MMP16: variants seen among roughly 807,000 people sequenced by gnomAD.
MMP16 encodes the protein matrix metallopeptidase 16, also known as matrix metalloproteinase-16.
Under a neutral mutation model 67.8 loss-of-function variants are expected in MMP16, and 12 were observed. That is an observed-to-expected ratio of 0.18 (90% CI 0.11 to 0.29). The LOEUF is 0.29. MMP16 is among the 10% of genes least tolerant of loss of function. MMP16 has a pLI of 1.00. For missense variants in MMP16, 475 were observed against 765.7 expected, an observed-to-expected ratio of 0.62 and a Z score of 4.48; for synonymous variants, 249 against 255.9, an observed-to-expected ratio of 0.97 and a Z score of 0.26.
At chr8:88,093,509 T>C (rs745347533) in intron 6 of MMP16, among the ~76,000 whole-genome samples, 13 of 151,718 alleles carry the variant, frequency 8.6e-5, no homozygotes, top group Non-Finnish European at 1.6e-4. Flanking sequence ...TGACCCTGAG[T>C]ACTGAATGAA....
intron 6 of MMP16, among the ~76,000 whole-genome samples, chr8:88,096,489 C>T (rs952477716): frequency 6.6e-6 from 1 of 150,996 alleles, no homozygotes; most frequent in Non-Finnish European, 1.5e-5. Flanking sequence ...TTTCCTGCTT[C>T]TAAAATTCTT....
At chr8:88,209,404 T>G (rs1809479000) in intron 1 of MMP16, among the ~76,000 whole-genome samples, 1 of 152,172 alleles carries the variant, frequency 6.6e-6, no homozygotes, top group African/African-American at 2.4e-5. Flanking sequence ...TTTGCTTACT[T>G]ATTGTTAGAA....
chr8:88,139,261 A>G lies in MMP16; in HGVS notation c.710-20400T>C, dbSNP rs952362552. On this transcript the variant is annotated intron_variant, in intron 4 of 9. Coordinates refer to ENST00000286614, the MANE Select transcript of MMP16 (RefSeq NM_005941.5). ...ATTTACCTCAGCATTTTTCTTCTTC[A>G]GTGAATTTAGGGTCCTTAAAATTTC... 1.6e-4 allele frequency among the ~76,000 whole-genome samples: 24 copies of G among 152,110 alleles called. 1 individual carries two copies. Among genetic ancestry groups the G allele is most frequent in the African/African-American group, 5.8e-4 (24 of 41,512 alleles).
At chr8:88,221,551 C>A (rs948315856) in intron 1 of MMP16, among the ~76,000 whole-genome samples, 1 of 151,838 alleles carries the variant, frequency 6.6e-6, no homozygotes, top group African/African-American at 2.4e-5. Context: ...CAAATAATAA[C>A]CCCAGAGAGA....
chr8:88,242,526 T>C (rs1810049822), intron 1 of MMP16, among the ~76,000 whole-genome samples: 1 of 152,166 alleles, frequency 6.6e-6, no homozygotes, highest in Non-Finnish European at 1.5e-5. Context: ...CTCAGAAAAC[T>C]GGTCCAAAGA....
At chr8:88,294,460 GTC>G (rs908755147) in intron 1 of MMP16, among the ~76,000 whole-genome samples, 1 of 147,954 alleles carries the variant, frequency 6.8e-6, no homozygotes, top group Non-Finnish European at 1.5e-5. Context: ...ACATATGCAT[GTC>G]TCTGTACACA....
At chr8:88,307,572 A>G (rs924642078) in intron 1 of MMP16, among the ~76,000 whole-genome samples, 1 of 152,090 alleles carries the variant, frequency 6.6e-6, no homozygotes, top group Non-Finnish European at 1.5e-5. Context: ...GAATTATCCT[A>G]AAGAAAGTAA....
Position 88,272,548 on chromosome 8 carries a change from G to A in MMP16, c.132+54527C>T, listed in dbSNP as rs186209773. ...AAAACAAAAAAGTGAAACTAAGAAC[G>A]CACTATAGTTATCTTTAAATACAGA... On this transcript the variant is annotated intron_variant, in intron 1 of 9. Coordinates refer to ENST00000286614, the MANE Select transcript of MMP16 (RefSeq NM_005941.5). Among the ~76,000 whole-genome samples, 25 of 152,212 alleles carry A rather than the reference G, an allele frequency of 1.6e-4. No homozygotes were observed. The East Asian group carries it at 2.1e-3, about 13-fold the overall frequency.
intron 1 of MMP16, among the ~76,000 whole-genome samples, chr8:88,318,642 T>G (rs551681354): frequency 1.3e-5 from 2 of 152,132 alleles, no homozygotes; most frequent in African/African-American, 4.8e-5. Context: ...CAGCACTTCA[T>G]AGCAATATAA....
At chr8:88,153,821 C>T (rs1305017337) in intron 4 of MMP16, among the ~76,000 whole-genome samples, 1 of 151,540 alleles carries the variant, frequency 6.6e-6, no homozygotes, top group Admixed American at 6.6e-5. Flanking sequence ...GACTTCATGT[C>T]CAAAACACCA....
intron 6 of MMP16, among the ~76,000 whole-genome samples, chr8:88,103,754 C>T (rs1809185310): frequency 6.6e-6 from 1 of 151,796 alleles, no homozygotes; most frequent in Non-Finnish European, 1.5e-5. Flanking sequence ...TTGCCAAATA[C>T]CTTGTCACTC....
At chr8:88,043,157 G>GA (rs35680266) in intron 9 of MMP16, among the ~76,000 whole-genome samples, 19 of 152,202 alleles carry the variant, frequency 1.2e-4, no homozygotes, top group African/African-American at 4.6e-4. Context: ...TTTCTTTTAA[G>GA]CCCACGATAT....
At chr8:88,216,355 G>T (rs1383835089) in intron 1 of MMP16, among the ~76,000 whole-genome samples, 1 of 152,108 alleles carries the variant, frequency 6.6e-6, no homozygotes, top group African/African-American at 2.4e-5. Context: ...GCCAATGAAA[G>T]AATGCTTCAA....
chr8:88,075,321 T>C (rs1218715684), intron 6 of MMP16, among the ~76,000 whole-genome samples: 3 of 152,156 alleles, frequency 2.0e-5, no homozygotes, highest in Non-Finnish European at 4.4e-5. Flanking sequence ...AGGATTCTAG[T>C]CTGGATTAAT....
chr8:88,082,769 A>G (rs1262663722), intron 6 of MMP16, among the ~76,000 whole-genome samples: 1 of 151,986 alleles, frequency 6.6e-6, no homozygotes, highest in Non-Finnish European at 1.5e-5. Flanking sequence ...GACTATGTGC[A>G]TGTTTTATTT....
intron 3 of MMP16, among the ~76,000 whole-genome samples, chr8:88,184,726 G>A (rs1332159985): frequency 3.6e-5 from 4 of 110,330 alleles, no homozygotes; most frequent in African/African-American, 1.4e-4. Context: ...AGGCCTGAGC[G>A]ACAGAGTGAG....
In MMP16 at chr8:88,313,001, T is replaced by C. The variant is rs564165688; in HGVS notation, c.132+14074A>G. Reference sequence around the variant, plus strand: ...AAAAACAAAAACAAAAAAAGGTGAGTGTCCATTTTTTATAATTTTATTTAA... The same window carrying C: ...AAAAACAAAAACAAAAAAAGGTGAGCGTCCATTTTTTATAATTTTATTTAA... On this transcript the variant is annotated intron_variant, in intron 1 of 9. Coordinates refer to ENST00000286614, the MANE Select transcript of MMP16 (RefSeq NM_005941.5). 4.8e-4 allele frequency among the ~76,000 whole-genome samples: 73 copies of C among 152,102 alleles called. 2 individuals carry two copies. The South Asian group carries it at 0.014, about 30-fold the overall frequency.
At chr8:88,129,616 T>C (rs915542987) in intron 4 of MMP16, among the ~76,000 whole-genome samples, 1 of 151,572 alleles carries the variant, frequency 6.6e-6, no homozygotes, top group African/African-American at 2.4e-5. Context: ...GTTTTTTCTA[T>C]TAATATTTTA....
At chr8:88,106,051 G>GTATACATA (rs1554578271) in intron 6 of MMP16, among the ~76,000 whole-genome samples, 18 of 145,412 alleles carry the variant, frequency 1.2e-4, no homozygotes, top group African/African-American at 4.5e-4. Flanking sequence ...TACACGTTAT[G>GTATACATA]TATATATATA....
Sources: gnomAD v4.1 joint callset for allele counts (sites outside exome capture counted in the v4.1 genomes callset) on GRCh38, gnomAD v4.1.1 for gene constraint, MANE v1.5 for transcripts, NCBI Gene and HGNC (gene_info 2026-07-23, HGNC 2026-07-21) for gene names.